Variants in LARS1 observed in about 807,000 individuals in gnomAD.
LARS1 encodes leucyl-tRNA synthetase 1, also known as leucine--tRNA ligase, cytoplasmic.
Under a neutral mutation model 162.8 loss-of-function variants are expected in LARS1, and 100 were observed. The ratio of observed to expected loss-of-function variants is 0.61; its 90% CI spans 0.52 to 0.73. The LOEUF (loss-of-function observed/expected upper bound fraction) is 0.73, where lower values mean the gene tolerates loss of function less well. LARS1 is among the 30% of genes least tolerant of loss of function. LARS1 has a pLI of 0.00. For synonymous variants in LARS1, 457 were observed against 462.8 expected (o/e 0.99, Z 0.16); for missense variants, 1,258 against 1,408.9 (o/e 0.89, Z 1.71).
chr5:146,182,236 C>T, intron 1 of LARS1: 2 of 550,092 alleles, frequency 3.6e-6, no homozygotes, highest in South Asian at 2.2e-5. Flanking sequence ...CCACCGTGCC[C>T]GGCTCTCCAC....
intron 23 of LARS1, chr5:146,131,846 A>C (rs1752300186): frequency 6.6e-6 from 1 of 152,018 alleles, no homozygotes; most frequent in Non-Finnish European, 1.5e-5. Flanking sequence ...ATCAGAAAAA[A>C]ATTTTCTCAT....
In LARS1 at chr5:146,131,498, T is replaced by TGC. The variant is rs1561802993; in HGVS notation, c.2397-390_2397-389insGC. On this transcript the variant is annotated intron_variant, in intron 23 of 31. Transcript: ENST00000394434. The stretch of plus-strand genomic sequence containing the variant: ...AGGTTGTAGCCAAGTTTTTTTTTTT[T>TGC]TTTTTTTTTTTTTTTGAGACAGGGT... 1.4e-4 allele frequency: 21 copies of TGC among 147,998 alleles called. No homozygotes were observed. In the Admixed American group the frequency reaches 1.4e-3, roughly 10 times the overall value. 9.2% of individuals were successfully genotyped at this position (147,998 alleles called of 1,614,324 possible).
intron 31 of LARS1, among the ~76,000 whole-genome samples, chr5:146,115,000 C>G (rs1050948112): frequency 6.8e-6 from 1 of 147,858 alleles, no homozygotes; most frequent in Non-Finnish European, 1.5e-5. Flanking sequence ...GCCAAGATCG[C>G]GCCACTGCAC....
chr5:146,122,999 C>A (rs1214427349), intron 29 of LARS1, among the ~76,000 whole-genome samples: 2 of 151,860 alleles, frequency 1.3e-5, no homozygotes, highest in Non-Finnish European at 2.9e-5. Context: ...TATAAGATGA[C>A]CCTGAACATA....
chr5:146,137,492 T>C (rs965158341), intron 21 of LARS1, among the ~76,000 whole-genome samples: 3 of 152,096 alleles, frequency 2.0e-5, no homozygotes, highest in Admixed American at 6.5e-5. Flanking sequence ...TTTAAAAAAA[T>C]CACCCATATT....
At chr5:146,143,916 C>G (rs1383819350) in intron 18 of LARS1, among the ~76,000 whole-genome samples, 1 of 152,056 alleles carries the variant, frequency 6.6e-6, no homozygotes, top group Non-Finnish European at 1.5e-5. Flanking sequence ...GCAGGAGAAT[C>G]GCTTGAACCC....
chr5:146,119,982 C>T (rs1751745780), intron 31 of LARS1, among the ~76,000 whole-genome samples: 1 of 152,152 alleles, frequency 6.6e-6, no homozygotes, highest in Non-Finnish European at 1.5e-5. Context: ...CTCTGTTTCT[C>T]TTCCTTCTCA....
intron 27 of LARS1, among the ~76,000 whole-genome samples, 177 bp downstream of exon 27, chr5:146,128,495 T>C (rs1752134323): frequency 1.1e-5 from 1 of 94,026 alleles, no homozygotes. Context: ...CAGCAGCTTT[T>C]CCCTCAGCAT....
chr5:146,167,492 C>CT (rs1370838565), intron 5 of LARS1, among the ~76,000 whole-genome samples: 5 of 152,182 alleles, frequency 3.3e-5, no homozygotes, highest in African/African-American at 9.6e-5. Context: ...CAAGCTCCAC[C>CT]TCCAGGGTTC....
chr5:146,159,594 T>C (rs1360359054), intron 7 of LARS1, 124 bp from the exon 8 acceptor site: 5 of 670,882 alleles, frequency 7.5e-6, no homozygotes, highest in Non-Finnish European at 1.3e-5. Context: ...TAGATATCTG[T>C]GTCTATTATG....
chr5:146,146,886 G>T (rs1753034367), intron 15 of LARS1, among the ~76,000 whole-genome samples: 1 of 151,788 alleles, frequency 6.6e-6, no homozygotes, highest in African/African-American at 2.4e-5. Context: ...GCTAATTTTT[G>T]TGTTTTCAGT....
In LARS1 at chr5:146,171,931, G is replaced by A; in HGVS notation, c.273C>T (p.His91=). ...GKCCLFPFGL[H]CTGMPIKACA... ...TTACCTTAATAGGCATTCCAGTACA[G>A]TGCAGGCCAAAGGGAAACAGACAAC... Residue 91 remains histidine (H), a synonymous_variant, in exon 4 of 32, where the codon CAC becomes CAT. Transcript: ENST00000394434. 3.7e-6 allele frequency: 6 copies of A among 1,613,730 alleles called. No homozygotes were observed. The highest frequency in any genetic ancestry group is 5.1e-6 in the Non-Finnish European group (6 of 1,179,710).
chr5:146,153,286 A>T, intron 12 of LARS1, 59 bp from the exon 13 acceptor site: 1 of 1,191,226 alleles, frequency 8.4e-7, no homozygotes, highest in Non-Finnish European at 1.2e-6. Context: ...AGAATCATTG[A>T]GAGAAGCAAT....
Position 146,172,624 on chromosome 5 carries a change from T to G in LARS1, c.213+63A>C. On this transcript the variant is annotated intron_variant, in intron 3 of 31. Coordinates refer to ENST00000394434, the MANE Select transcript of LARS1 (RefSeq NM_020117.11). ...ATAATAAATTCTATAGCTGCCATTT[T>G]CTTCAAAACAATATTCGTTAAAAAC... 4 of 910,532 alleles carry G rather than the reference T, an allele frequency of 4.4e-6. No individual in the cohort carries two copies. In the South Asian group the frequency reaches 8.2e-5, roughly 19 times the overall value. 56.4% of individuals were successfully genotyped at this position (910,532 alleles called of 1,614,324 possible).
Position 146,172,163 on chromosome 5 carries a change from A to G in LARS1, c.214-173T>C, listed in dbSNP as rs566808193. Among the ~76,000 whole-genome samples, 10 of 152,320 alleles carry G rather than the reference A, an allele frequency of 6.6e-5. No individual in the cohort carries two copies. The East Asian group carries it at 1.7e-3, about 26-fold the overall frequency. ...CTAGGAATTACTTTTGAATATGCAT[A>G]CATGCCCAGACCCTTGCACACATAC... is the stretch of plus-strand genomic sequence containing the variant. On this transcript the variant is annotated intron_variant, in intron 3 of 31. Transcript: ENST00000394434.
intron 4 of LARS1, among the ~76,000 whole-genome samples, chr5:146,169,014 T>C (rs1037322235): frequency 6.6e-6 from 1 of 151,818 alleles, no homozygotes; most frequent in Non-Finnish European, 1.5e-5. Context: ...TGTATACACA[T>C]GTAACAAAGC....
intron 20 of LARS1, among the ~76,000 whole-genome samples, chr5:146,140,711 C>T (rs11952340): frequency 0.22 from 33,783 of 151,986 alleles, 4,794 homozygotes; most frequent in Admixed American, 0.34. Context: ...GAGGCTGAGG[C>T]AGACAGTTGC....
intron 27 of LARS1, among the ~76,000 whole-genome samples, chr5:146,127,257 T>C (rs1444517997): frequency 6.6e-6 from 1 of 152,088 alleles, no homozygotes; most frequent in Non-Finnish European, 1.5e-5. Context: ...TTCTAACTTT[T>C]ACTAAAGTAC....
intron 4 of LARS1, among the ~76,000 whole-genome samples, chr5:146,169,622 C>T (rs1159411304): frequency 6.6e-6 from 1 of 151,594 alleles, no homozygotes; most frequent in Non-Finnish European, 1.5e-5. Flanking sequence ...AGTTTCGGCT[C>T]ACTGCAACCT....
Sources: gnomAD v4.1 joint callset for allele counts (sites outside exome capture counted in the v4.1 genomes callset) on GRCh38, gnomAD v4.1.1 for gene constraint, MANE v1.5 for transcripts, NCBI Gene and HGNC (gene_info 2026-07-23, HGNC 2026-07-21) for gene names.